TMEM19: variants seen among roughly 807,000 people sequenced by gnomAD.
The protein encoded by TMEM19 is transmembrane protein 19.
Under a neutral mutation model 33.6 loss-of-function variants are expected in TMEM19, and 21 were observed. That is an observed-to-expected ratio of 0.62 (90% CI 0.44 to 0.90). The LOEUF (loss-of-function observed/expected upper bound fraction) is 0.90. TMEM19 is among the 40% of genes least tolerant of loss of function. The probability of loss-of-function intolerance (pLI) is 0.00; values close to 1 mark genes in which losing one functional copy is unlikely to be tolerated. For synonymous variants in TMEM19, 149 were observed against 147.5 expected (o/e 1.01, Z -0.07); for missense variants, 402 against 401.8 (o/e 1.00, Z 0.00).
chr12:71,699,181 T>C (rs769761783), intron 5 of TMEM19, 72 bp downstream of exon 5: 4 of 1,536,468 alleles, frequency 2.6e-6, no homozygotes, highest in African/African-American at 2.7e-5. Flanking sequence ...AAAAAAATGT[T>C]AACAATGAAA....
At position 71,701,066 on chromosome 12, in the gene TMEM19, GAAT is replaced by G; in HGVS notation, c.*77_*79del. 1 of 1,429,694 alleles carries G rather than the reference GAAT, an allele frequency of 7.0e-7. No homozygotes were observed. 88.6% of individuals were successfully genotyped at this position (1,429,694 alleles called of 1,614,324 possible). ...TTTGCAATTCCAACTTTCATCCTAA[GAAT>G]AATAACTGTAATGGCAAAGCGGAAA... On this transcript the variant is annotated 3_prime_UTR_variant, in exon 6 of 6. Coordinates refer to ENST00000266673, the MANE Select transcript of TMEM19 (RefSeq NM_018279.4).
At chr12:71,689,311 A>G (rs1438985840) in intron 1 of TMEM19, among the ~76,000 whole-genome samples, 4 of 152,218 alleles carry the variant, frequency 2.6e-5, no homozygotes, top group Admixed American at 6.5e-5. Flanking sequence ...TAGGACCAAT[A>G]GGCTATAGCA....
intron 1 of TMEM19, among the ~76,000 whole-genome samples, chr12:71,688,881 G>A (rs1358909996): frequency 6.6e-6 from 1 of 152,206 alleles, no homozygotes; most frequent in African/African-American, 2.4e-5. Context: ...TGAATGAGGT[G>A]TCTGTCCTCT....
rs528050405 is a variant in TMEM19, at chr12:71,698,739, C to T, written c.638-161C>T. ...CATTGCTTAAAATGTCAAGAGTTAC[C>T]GAGGAGAAAATACTGTTTTCTAAAA... On this transcript the variant is annotated intron_variant, in intron 4 of 5. Transcript: ENST00000266673. Among the ~76,000 whole-genome samples, 60 of 151,232 alleles carry T rather than the reference C, an allele frequency of 4.0e-4. 1 individual carries two copies. Among genetic ancestry groups the T allele is most frequent in the Admixed American group, 7.9e-4 (12 of 15,136 alleles).
rs928073698 is a variant in TMEM19 at position 71,686,413 on chromosome 12, G to C, written c.-268G>C. ...TCCGGCGTGAGGCGCTGAAGCGGCC[G>C]GCAGCCGGCGACCGGCCCTCACCGT... On this transcript the variant is annotated 5_prime_UTR_variant, in exon 1 of 6. Transcript: ENST00000266673. 3.1e-6 allele frequency: 1 copy of C among 325,310 alleles called. No individual in the cohort carries two copies. Among genetic ancestry groups the C allele is most frequent in the South Asian group, 3.1e-5 (1 of 32,394 alleles). 20.2% of individuals were successfully genotyped at this position (325,310 alleles called of 1,614,324 possible).
chr12:71,692,187 T>C (rs1274996134), intron 2 of TMEM19, among the ~76,000 whole-genome samples: 1 of 152,244 alleles, frequency 6.6e-6, no homozygotes, highest in Non-Finnish European at 1.5e-5. Flanking sequence ...TTCAACCATA[T>C]TTTTATACGT....
intron 2 of TMEM19, among the ~76,000 whole-genome samples, chr12:71,695,868 T>C (rs1881862164): frequency 6.6e-6 from 1 of 152,204 alleles, no homozygotes. Context: ...TTGTTATTAT[T>C]AATACTTTAT....
intron 1 of TMEM19, among the ~76,000 whole-genome samples, chr12:71,687,343 C>T (rs1881709929): frequency 1.3e-5 from 2 of 152,150 alleles, no homozygotes; most frequent in Non-Finnish European, 2.9e-5. Flanking sequence ...CTTTGGGAGG[C>T]CGAGGCGGGC....
In TMEM19 at chr12:71,703,657, A is replaced by G. The variant is rs1882023988; in HGVS notation, c.*2662A>G. The G allele has an allele frequency of 5.8e-6, 1 of 173,234 alleles. No homozygotes were observed. The highest frequency in any genetic ancestry group is 2.4e-5 in the African/African-American group (1 of 41,876). 10.7% of individuals were successfully genotyped at this position (173,234 alleles called of 1,614,324 possible). ...CAAAAACTAATAGGATCTGTGTAAA[A>G]TATTTCACTCAAAACTACTAAAAAA... On this transcript the variant is annotated 3_prime_UTR_variant, in exon 6 of 6. Transcript: ENST00000266673.
chr12:71,688,943 G>A (rs73346257), intron 1 of TMEM19, among the ~76,000 whole-genome samples: 5,810 of 152,166 alleles, frequency 0.038, 280 homozygotes, highest in African/African-American at 0.11. Flanking sequence ...GTTCTAGGTA[G>A]TCCTTGAAAT....
chr12:71,686,343 G>T lies in TMEM19; in HGVS notation c.-338G>T. The T allele has an allele frequency of 3.9e-6, 1 of 259,176 alleles. No homozygotes were observed. 16.1% of individuals were successfully genotyped at this position (259,176 alleles called of 1,614,324 possible). Reference sequence around the variant, plus strand: ...GAGGTGGGTGGAACTCGCCAGCGCCGGGACCGCGGATTGGCTGCCTCGGCT... The same window carrying T: ...GAGGTGGGTGGAACTCGCCAGCGCCTGGACCGCGGATTGGCTGCCTCGGCT... On this transcript the variant is annotated 5_prime_UTR_variant, in exon 1 of 6. Coordinates refer to ENST00000266673, the MANE Select transcript of TMEM19 (RefSeq NM_018279.4).
In TMEM19 at chr12:71,696,468, A is replaced by C. The variant is rs200979424; in HGVS notation, c.277A>C (p.Asn93His). The change falls in exon 3 of 6, where the codon AAT becomes CAT. Residue 93 changes from asparagine (N) to histidine (H), a missense_variant. By Grantham distance (68) the Asn-to-His change is moderately conservative (BLOSUM62 1). Coordinates refer to ENST00000266673, the MANE Select transcript of TMEM19 (RefSeq NM_018279.4). The part of the protein sequence containing the change: ...LVVGFILTIA[N>H]FSFFTSLLMF... ...CGTTGGATTTATCCTAACCATTGCA[A>C]ATTTCAGCTTTTTTACCTCTTTGCT... 1 of 1,612,396 alleles carries C rather than the reference A, an allele frequency of 6.2e-7. No homozygotes were observed. Among genetic ancestry groups the C allele is most frequent in the African/African-American group, 1.3e-5 (1 of 74,972 alleles).
In TMEM19 at chr12:71,686,704, A is replaced by G; in HGVS notation, c.24A>G (p.Ile8Met). 6.2e-7 allele frequency: 1 copy of G among 1,611,326 alleles called. No homozygotes were observed. The highest frequency in any genetic ancestry group is 1.3e-5 in the African/African-American group (1 of 74,904). The part of the protein sequence containing the change: MTDLNDN[I>M]CKRYIKMITN... ...CCATGACAGATCTTAACGACAATAT[A>G]TGCAAAAGATATATAAAGATGATAA... is the stretch of plus-strand genomic sequence containing the variant. The change falls in exon 1 of 6, where the codon ATA becomes ATG. Residue 8 changes from isoleucine to methionine, a missense_variant. Transcript: ENST00000266673.
chr12:71,702,569 G>A lies in TMEM19; in HGVS notation c.*1574G>A, dbSNP rs1205880524. 1 of 152,106 alleles carries A rather than the reference G, an allele frequency of 6.6e-6. No homozygotes were observed. The highest frequency in any genetic ancestry group is 2.4e-5 in the African/African-American group (1 of 41,398). 9.4% of individuals were successfully genotyped at this position (152,106 alleles called of 1,614,324 possible). Reference sequence around the variant, plus strand: ...GACCTCAAGTGATCTGCCCATCTCAGCCTCCCAAAGATCTATTACAAGATG... The same window carrying A: ...GACCTCAAGTGATCTGCCCATCTCAACCTCCCAAAGATCTATTACAAGATG... On this transcript the variant is annotated 3_prime_UTR_variant, in exon 6 of 6. Coordinates refer to ENST00000266673, the MANE Select transcript of TMEM19 (RefSeq NM_018279.4).
rs751656469 is a variant in TMEM19, at chr12:71,696,440, A to G, written c.249A>G (p.Leu83=). The change falls in exon 3 of 6, where the codon CTA becomes CTG. Residue 83 remains leucine, a synonymous_variant. Transcript: ENST00000266673. ...GTTTATATATGTTTCTTTCAGGGCTAGTCGTTGGATTTATCCTAACCATTG... is the reference window on the plus strand; with the variant it reads ...GTTTATATATGTTTCTTTCAGGGCTGGTCGTTGGATTTATCCTAACCATTG... The part of the protein sequence containing the change: ...SLDHSGALGG[L]VVGFILTIAN... 11 of 1,600,522 alleles carry G rather than the reference A, an allele frequency of 6.9e-6. No individual in the cohort carries two copies. The South Asian group carries it at 9.0e-5, about 13-fold the overall frequency.
chr12:71,690,686 C>T (rs1490107793), intron 2 of TMEM19, among the ~76,000 whole-genome samples: 1 of 152,170 alleles, frequency 6.6e-6, no homozygotes, highest in East Asian at 1.9e-4. Context: ...GTGCATTCTT[C>T]TGTAAATGGT....
intron 2 of TMEM19, among the ~76,000 whole-genome samples, chr12:71,694,228 G>T (rs1035492188): frequency 5.3e-5 from 8 of 152,202 alleles, no homozygotes; most frequent in Admixed American, 2.6e-4. Context: ...CTCTTGGAGA[G>T]AGAGCGAGCA....
chr12:71,699,077 A>G lies in TMEM19; in HGVS notation c.815A>G (p.Asp272Gly). The G allele has an allele frequency of 6.2e-7, 1 of 1,614,150 alleles. No homozygotes were observed. Among genetic ancestry groups the G allele is most frequent in the Non-Finnish European group, 8.5e-7 (1 of 1,180,032 alleles). ...GLAGLLGSIVDSYLGATMQYT... is the reference protein window; with the variant it reads ...GLAGLLGSIVGSYLGATMQYT... ...GCTGGATTACTAGGATCAATTGTGG[A>G]CTCATACTTAGGGGCTACAATGCAG... Residue 272 changes from aspartate (D) to glycine (G), a missense_variant, in exon 5 of 6, where the codon GAC becomes GGC. By Grantham distance (94) the Asp-to-Gly change is moderately conservative. Coordinates refer to ENST00000266673, the MANE Select transcript of TMEM19 (RefSeq NM_018279.4).
chr12:71,698,607 A>AAGAAG (rs1213332357), intron 4 of TMEM19, among the ~76,000 whole-genome samples: 3 of 121,232 alleles, frequency 2.5e-5, no homozygotes, highest in African/African-American at 3.3e-5. Context: ...TGTCTCTGAA[A>AAGAAG]AGAGAGAGAG....
Sources: gnomAD v4.1 joint callset for allele counts (sites outside exome capture counted in the v4.1 genomes callset) on GRCh38, gnomAD v4.1.1 for gene constraint, MANE v1.5 for transcripts, NCBI Gene and HGNC (gene_info 2026-07-23, HGNC 2026-07-21) for gene names.